Variants in TG observed in about 807,000 individuals in gnomAD.
TG encodes the protein thyroid hormones.
TG carries 270 observed loss-of-function variants against 324.7 expected under a neutral mutation model. The observed-to-expected ratio is 0.83, with a 90% CI of 0.75 to 0.92. The LOEUF (loss-of-function observed/expected upper bound fraction) is 0.92, where lower values mean the gene tolerates loss of function less well. Among genes scored for constraint, TG ranks in the 40% least tolerant of loss-of-function variants. The probability of loss-of-function intolerance (pLI) is 0.00; values close to 1 mark genes in which losing one functional copy is unlikely to be tolerated. For missense variants in TG, 3,591 were observed against 3,456.4 expected (o/e 1.04, Z -0.98); for synonymous variants, 1,401 against 1,327.0 (o/e 1.06, Z -1.21).
At chr8:132,923,270 C>T in intron 21 of TG, 68 bp from the exon 22 acceptor site, 1 of 1,567,064 alleles carries the variant, frequency 6.4e-7, no homozygotes, top group Non-Finnish European at 8.8e-7. Flanking sequence ...TGACCGAGAG[C>T]CTGGGAGTAG....
intron 20 of TG, among the ~76,000 whole-genome samples, chr8:132,913,610 A>G (rs888682693): frequency 6.6e-5 from 10 of 152,120 alleles, no homozygotes; most frequent in Non-Finnish European, 1.0e-4. Context: ...ACTCACCACA[A>G]TTTCCAAATG....
At chr8:132,955,708 G>A (rs1274630508) in intron 27 of TG, among the ~76,000 whole-genome samples, 1 of 152,218 alleles carries the variant, frequency 6.6e-6, no homozygotes, top group Non-Finnish European at 1.5e-5. Flanking sequence ...GGAGGGCGGG[G>A]CTCCTGGACA....
chr8:132,928,786 A>G (rs1228200266), intron 22 of TG, among the ~76,000 whole-genome samples: 2 of 152,250 alleles, frequency 1.3e-5, no homozygotes, highest in Non-Finnish European at 2.9e-5. Flanking sequence ...ATAAGTTTAT[A>G]TTATCAATGT....
chr8:133,051,678 T>C (rs1268661851), intron 41 of TG, among the ~76,000 whole-genome samples: 1 of 152,112 alleles, frequency 6.6e-6, no homozygotes, highest in Non-Finnish European at 1.5e-5. Flanking sequence ...GGAGAGACAG[T>C]GATTTTGCTT....
chr8:132,881,335 C>G (rs890586996), intron 5 of TG, among the ~76,000 whole-genome samples: 2 of 151,920 alleles, frequency 1.3e-5, no homozygotes, highest in Admixed American at 6.6e-5. Context: ...TTTTTTTCAA[C>G]TATGGGACTG....
chr8:132,877,848 C>T (rs1306746244), intron 5 of TG, among the ~76,000 whole-genome samples: 1 of 152,188 alleles, frequency 6.6e-6, no homozygotes, highest in African/African-American at 2.4e-5. Flanking sequence ...CTTGAACTCA[C>T]TGGTGATTGC....
intron 24 of TG, 65 bp from the exon 25 acceptor site, chr8:132,935,691 G>T: frequency 7.0e-7 from 1 of 1,434,050 alleles, no homozygotes; most frequent in South Asian, 1.2e-5. Context: ...AGGGTTGGAT[G>T]AATGTTTGTT....
rs1227869889 is a variant in TG, at chr8:133,029,848, G to A, written c.7064G>A (p.Gly2355Glu). 6.2e-7 allele frequency: 1 copy of A among 1,614,038 alleles called. No homozygotes were observed. The highest frequency in any genetic ancestry group is 8.5e-7 in the Non-Finnish European group (1 of 1,179,994). Residue 2355 changes from glycine to glutamate, a missense_variant, in exon 41 of 48, where the codon GGG becomes GAG. By Grantham distance (98) the Gly-to-Glu change is moderately conservative (BLOSUM62 -2). Transcript: ENST00000220616. Reference sequence around the variant, plus strand: ...TCCGGAGAGGTGAGTGGCAACTGGGGGCTGCTGGACCAGGTGGCGGCTCTG... The same window carrying A: ...TCCGGAGAGGTGAGTGGCAACTGGGAGCTGCTGGACCAGGTGGCGGCTCTG... ...SGSGEVSGNW[G>E]LLDQVAALTW...
chr8:132,961,852 G>A (rs767937769), intron 28 of TG, among the ~76,000 whole-genome samples: 18 of 152,216 alleles, frequency 1.2e-4, no homozygotes, highest in East Asian at 3.9e-4. Context: ...GAGGATTGGC[G>A]ACTTGCTTCT....
chr8:133,102,327 G>C (rs952485998), intron 43 of TG: 1 of 486,192 alleles, frequency 2.1e-6, no homozygotes, highest in African/African-American at 1.9e-5. Context: ...ATGCAGTGCA[G>C]CTTCCCAGGG....
intron 19 of TG, among the ~76,000 whole-genome samples, chr8:132,912,316 A>G (rs925117065): frequency 2.0e-5 from 3 of 152,292 alleles, no homozygotes; most frequent in Admixed American, 2.0e-4. Context: ...AGCCTGGATA[A>G]TGTGGGTATG....
chr8:132,914,967 A>AGT (rs139806753), intron 20 of TG, among the ~76,000 whole-genome samples: 1 of 151,508 alleles, frequency 6.6e-6, no homozygotes, highest in South Asian at 2.1e-4. Flanking sequence ...TGTGTGTATG[A>AGT]GTGTGTGTGT....
At chr8:132,875,518 C>G (rs1839875001) in intron 5 of TG, among the ~76,000 whole-genome samples, 1 of 152,228 alleles carries the variant, frequency 6.6e-6, no homozygotes. Context: ...TAACTCATCT[C>G]TGTTCCCCTA....
rs761538494 is a variant in TG at position 133,022,156 on chromosome 8, TTGCTGCCTCTGGTGGGAGC to T, written c.7036+12_7036+30del. 3.1e-5 allele frequency: 50 copies of T among 1,613,948 alleles called. No homozygotes were observed. Among genetic ancestry groups the T allele is most frequent in the Non-Finnish European group, 4.2e-5 (50 of 1,179,996 alleles). On this transcript the variant is annotated splice_region_variant and intron_variant, in intron 40 of 47. Coordinates refer to ENST00000220616, the MANE Select transcript of TG (RefSeq NM_003235.5). Reference sequence around the variant, plus strand: ...CTTCGGCTTCCTGAGTTCTGGTGAGTTGCTGCCTCTGGTGGGAGCTGCTGACCCCCTGAGCCAAGGCTCA... The same window carrying T: ...CTTCGGCTTCCTGAGTTCTGGTGAGTTGCTGACCCCCTGAGCCAAGGCTCA...
intron 45 of TG, among the ~76,000 whole-genome samples, chr8:133,124,438 CAG>C (rs1453806106): frequency 6.6e-6 from 1 of 152,158 alleles, no homozygotes; most frequent in African/African-American, 2.4e-5. Context: ...TTCATTTTGG[CAG>C]AGACAGCCCA....
At chr8:133,106,432 G>C (rs1440312420) in intron 43 of TG, 1 of 985,232 alleles carries the variant, frequency 1.0e-6, no homozygotes, top group Non-Finnish European at 1.2e-6. Context: ...AACCAGGATG[G>C]GGAAGCTCTT....
At chr8:133,064,774 G>A (rs1333191951) in intron 41 of TG, among the ~76,000 whole-genome samples, 1 of 152,166 alleles carries the variant, frequency 6.6e-6, no homozygotes, top group African/African-American at 2.4e-5. Context: ...AATCCAGGTG[G>A]GGAGGCTTCT....
In TG at chr8:132,887,537, A is replaced by G. The variant is rs1212554196; in HGVS notation, c.2165A>G (p.Lys722Arg). 1.2e-6 allele frequency: 2 copies of G among 1,614,216 alleles called. No homozygotes were observed. The highest frequency in any genetic ancestry group is 2.2e-5 in the South Asian group (2 of 91,080). The stretch of plus-strand genomic sequence containing the variant: ...CCTGGAACTCGAAGTGCAATAGGGA[A>G]GCCCAAGAAATGTAAGTCTGTTGGG... ...AIPGTRSAIG[K>R]PKKCPTPCQL... The change falls in exon 9 of 48, where the codon AAG becomes AGG. Residue 722 changes from lysine (K) to arginine (R), a missense_variant. By Grantham distance (26) the Lys-to-Arg change is conservative (BLOSUM62 2). Transcript: ENST00000220616.
chr8:133,065,768 T>TAATAAAATAA (rs60174705), intron 41 of TG, among the ~76,000 whole-genome samples: 3,151 of 150,786 alleles, frequency 0.021, 66 homozygotes, highest in African/African-American at 0.049. Context: ...GTCTCAAAAA[T>TAATAAAATAA]AATAAAATAA....
Sources: allele counts gnomAD v4.1 joint callset (sites outside exome capture counted in the v4.1 genomes callset), GRCh38; gene constraint gnomAD v4.1.1; transcripts MANE v1.5; gene names NCBI Gene and HGNC (gene_info 2026-07-23, HGNC 2026-07-21).